The following GRM5 variants were observed in gnomAD, a reference collection of about 807,000 sequenced individuals.
The protein encoded by GRM5 is metabotropic glutamate receptor 5.
In GRM5, 19 loss-of-function variants were observed where a neutral mutation model predicts 83.1. The ratio of observed to expected loss-of-function variants is 0.23; its 90% confidence interval spans 0.16 to 0.34. The LOEUF is 0.34. GRM5 is among the 10% of genes least tolerant of loss of function. The pLI is 1.00. For synonymous variants in GRM5, 675 were observed against 633.6 expected, an observed-to-expected ratio of 1.07 and a Z score of -0.98; for missense variants, 1,160 against 1,588.3, an observed-to-expected ratio of 0.73 and a Z score of 4.58.
At chr11:89,029,189 AT>A (rs1281657380) in intron 2 of GRM5, among the ~76,000 whole-genome samples, 2 of 152,210 alleles carry the variant, frequency 1.3e-5, no homozygotes, top group African/African-American at 4.8e-5. Flanking sequence ...ATTGATGGGC[AT>A]TTTTCTAACC....
At chr11:88,544,724 A>G (rs1183665775) in intron 8 of GRM5, among the ~76,000 whole-genome samples, 2 of 152,200 alleles carry the variant, frequency 1.3e-5, no homozygotes, top group East Asian at 3.9e-4. Flanking sequence ...TATATAATGC[A>G]GTTGATTTAG....
chr11:88,614,960 A>T (rs1938429117), intron 4 of GRM5, among the ~76,000 whole-genome samples: 1 of 152,184 alleles, frequency 6.6e-6, no homozygotes, highest in South Asian at 2.1e-4. Flanking sequence ...CTTAGGGAAA[A>T]CAAATGGCAA....
At chr11:89,009,920 A>AAAC (rs1555059697) in intron 2 of GRM5, among the ~76,000 whole-genome samples, 3 of 130,112 alleles carry the variant, frequency 2.3e-5, no homozygotes, top group African/African-American at 1.1e-4. Context: ...AAAAAAAAAA[A>AAAC]AAAAAAAAAA....
At chr11:88,934,139 A>G (rs1163511076) in intron 2 of GRM5, among the ~76,000 whole-genome samples, 1 of 151,792 alleles carries the variant, frequency 6.6e-6, no homozygotes, top group East Asian at 1.9e-4. Context: ...TACTATTTTG[A>G]TAAGTCACAA....
At chr11:88,630,458 C>G (rs1469407511) in intron 4 of GRM5, among the ~76,000 whole-genome samples, 1 of 151,422 alleles carries the variant, frequency 6.6e-6, no homozygotes, top group Non-Finnish European at 1.5e-5. Flanking sequence ...AAGTTAAGTA[C>G]TAGATCATAT....
intron 3 of GRM5, among the ~76,000 whole-genome samples, chr11:88,765,291 G>A (rs1457059403): frequency 6.7e-6 from 1 of 150,242 alleles, no homozygotes; most frequent in Non-Finnish European, 1.5e-5. Flanking sequence ...AGCTTCATGA[G>A]TGAATTCTAC....
intron 2 of GRM5, among the ~76,000 whole-genome samples, chr11:88,870,093 A>G (rs1484523565): frequency 6.6e-6 from 1 of 151,504 alleles, no homozygotes; most frequent in Non-Finnish European, 1.5e-5. Flanking sequence ...ATACTTCACT[A>G]TATGAGAGGA....
At chr11:88,615,337 G>A (rs1186210295) in intron 4 of GRM5, among the ~76,000 whole-genome samples, 1 of 152,106 alleles carries the variant, frequency 6.6e-6, no homozygotes, top group Non-Finnish European at 1.5e-5. Flanking sequence ...TTTAACTTTT[G>A]TAATTTCTTA....
intron 2 of GRM5, among the ~76,000 whole-genome samples, chr11:88,870,495 A>T (rs894129518): frequency 1.3e-4 from 20 of 151,512 alleles, no homozygotes; most frequent in African/African-American, 4.6e-4. Flanking sequence ...GAAAGAGTTA[A>T]TCATAAAGCC....
At chr11:88,716,001 C>A (rs1941391695) in intron 3 of GRM5, among the ~76,000 whole-genome samples, 1 of 151,948 alleles carries the variant, frequency 6.6e-6, no homozygotes, top group Non-Finnish European at 1.5e-5. Flanking sequence ...GAATCCCTTC[C>A]AGCTTTTGAA....
intron 4 of GRM5, among the ~76,000 whole-genome samples, chr11:88,629,115 C>T (rs929314787): frequency 6.6e-6 from 1 of 152,188 alleles, no homozygotes; most frequent in African/African-American, 2.4e-5. Context: ...ACCAAAGCTT[C>T]AGCACCTGAA....
intron 9 of GRM5, among the ~76,000 whole-genome samples, chr11:88,523,636 C>A (rs1045484863): frequency 3.9e-5 from 6 of 151,926 alleles, no homozygotes; most frequent in African/African-American, 1.5e-4. Flanking sequence ...TATGCCTACA[C>A]ATGTACACAC....
intron 4 of GRM5, among the ~76,000 whole-genome samples, chr11:88,634,431 C>T (rs918070324): frequency 5.3e-5 from 8 of 151,932 alleles, no homozygotes; most frequent in African/African-American, 1.9e-4. Context: ...ATATTTTCTT[C>T]TTTATATTCT....
chr11:88,535,442 C>T (rs1208059055), intron 8 of GRM5, among the ~76,000 whole-genome samples: 1 of 152,170 alleles, frequency 6.6e-6, no homozygotes, highest in Non-Finnish European at 1.5e-5. Context: ...ATGAGAGAAG[C>T]TAAGCCAACA....
At chr11:89,052,815 C>G (rs1289187873) in intron 1 of GRM5, among the ~76,000 whole-genome samples, 1 of 152,120 alleles carries the variant, frequency 6.6e-6, no homozygotes, top group Non-Finnish European at 1.5e-5. Flanking sequence ...CTCAAACATG[C>G]TGCAATTTTG....
chr11:88,873,530 A>G lies in GRM5; in HGVS notation c.662-23375T>C, dbSNP rs144226706. Among the ~76,000 whole-genome samples, 1,163 of 151,788 alleles carry G rather than the reference A, an allele frequency of 7.7e-3. 18 individuals carry two copies. The highest frequency in any genetic ancestry group is 0.027 in the African/African-American group (1,101 of 41,500). On this transcript the variant is annotated intron_variant, in intron 2 of 9. Coordinates refer to ENST00000305447, the MANE Select transcript of GRM5 (RefSeq NM_001143831.3). The stretch of plus-strand genomic sequence containing the variant: ...CAGATAACTTTTCTAACCAAAATAT[A>G]ATAAAACTAGGAATCAATAACATGA...
chr11:89,018,205 C>T (rs572402200), intron 2 of GRM5, among the ~76,000 whole-genome samples: 40 of 152,248 alleles, frequency 2.6e-4, no homozygotes, highest in Non-Finnish European at 4.4e-4. Flanking sequence ...AGCTCACATG[C>T]AGGGCACATG....
intron 4 of GRM5, among the ~76,000 whole-genome samples, chr11:88,632,198 T>C (rs1053283651): frequency 9.2e-5 from 14 of 151,710 alleles, no homozygotes; most frequent in African/African-American, 3.4e-4. Context: ...CACTCTAGAT[T>C]ACTTTGCATT....
At chr11:89,022,434 A>G (rs1411660287) in intron 2 of GRM5, among the ~76,000 whole-genome samples, 2 of 151,144 alleles carry the variant, frequency 1.3e-5, no homozygotes, top group Admixed American at 1.3e-4. Flanking sequence ...CAAGGTCAGG[A>G]GCTCGAGACC....
Sources: gnomAD v4.1 joint callset for allele counts (sites outside exome capture counted in the v4.1 genomes callset) on GRCh38, gnomAD v4.1.1 for gene constraint, MANE v1.5 for transcripts, NCBI Gene and HGNC (gene_info 2026-07-23, HGNC 2026-07-21) for gene names.